The following SPTB variants were observed in gnomAD, a reference collection of about 807,000 sequenced individuals.
SPTB encodes the protein spectrin beta chain, erythrocytic.
A neutral mutation model predicts 256.2 loss-of-function variants in SPTB; 45 were observed. The ratio of observed to expected loss-of-function variants is 0.18; its 90% CI spans 0.14 to 0.23. SPTB has a LOEUF of 0.23. SPTB is among the 10% of genes least tolerant of loss of function. The pLI, the probability that SPTB is intolerant of heterozygous loss-of-function variation, is 1.00. For missense variants in SPTB, 2,715 were observed against 3,040.4 expected (o/e 0.89, Z 2.52); for synonymous variants, 1,231 against 1,243.1 (o/e 0.99, Z 0.21).
In SPTB at chr14:64,787,320, TG is replaced by T. The variant is rs2082590620; in HGVS notation, c.2805-161del. On this transcript the variant is annotated intron_variant, in intron 15 of 35. Transcript: ENST00000644917. ...AAAAATCTACCTAACGAAGTGTAGG[TG>T]AGCAAAATTCACTTCTCCAATTTTA... is the stretch of plus-strand genomic sequence containing the variant. 2.0e-5 allele frequency among the ~76,000 whole-genome samples: 3 copies of T among 152,096 alleles called. No individual in the cohort carries two copies. The South Asian group carries it at 6.2e-4, about 32-fold the overall frequency.
intron 15 of SPTB, among the ~76,000 whole-genome samples, chr14:64,788,445 G>C (rs960351767): frequency 1.3e-5 from 2 of 152,156 alleles, no homozygotes; most frequent in Non-Finnish European, 2.9e-5. Context: ...CCAGGGATAC[G>C]AGAGAGGAGA....
rs1199162353 is a variant in SPTB, at chr14:64,844,454, C to T, written c.-51-21309G>A. Among the ~76,000 whole-genome samples the T allele has an allele frequency of 6.6e-6, 1 of 152,238 alleles. No individual in the cohort carries two copies. The highest frequency in any genetic ancestry group is 1.5e-5 in the Non-Finnish European group (1 of 68,040). ...AGTGCCTGACATACATACCTCCTTT[C>T]ATCATCAGTGCTCTCCTGTGAGTGA... On this transcript the variant is annotated intron_variant, in intron 1 of 35. Transcript: ENST00000644917. This position sits in a 1 kb window ranked among gnomAD's most constrained non-coding sequence, Gnocchi z 4.1.
At position 64,792,903 on chromosome 14, in the gene SPTB, C is replaced by T. The variant is rs28441086; in HGVS notation, c.2666+94G>A. On this transcript the variant is annotated intron_variant, in intron 14 of 35. Coordinates refer to ENST00000644917, the MANE Select transcript of SPTB (RefSeq NM_001355436.2). This position sits in a 1 kb window ranked among gnomAD's most constrained non-coding sequence, Gnocchi z 4.2. ...GACATCCCAGGGCCTCTCAAAGAGA[C>T]CTTTGCTGATCCAGAGACTATTACC... The T allele has an allele frequency of 1.2e-3, 1,849 of 1,567,770 alleles. No homozygotes were observed. Among genetic ancestry groups the T allele is most frequent in the Non-Finnish European group, 1.4e-3 (1,629 of 1,144,848 alleles).
chr14:64,779,936 G>A lies in SPTB; in HGVS notation c.4267-5C>T, dbSNP rs1377649896. 6.2e-7 allele frequency: 1 copy of A among 1,613,064 alleles called. No homozygotes were observed. The highest frequency in any genetic ancestry group is 8.5e-7 in the Non-Finnish European group (1 of 1,179,398). ...ATTCACTTGGTCCTCCACTCGCTGA[G>A]ACACAAGGGGACGGTGTCAGCACCA... On this transcript the variant is annotated splice_region_variant and splice_polypyrimidine_tract_variant and intron_variant, in intron 20 of 35. Coordinates refer to ENST00000644917, the MANE Select transcript of SPTB (RefSeq NM_001355436.2). This position sits in a 1 kb window ranked among gnomAD's most constrained non-coding sequence, Gnocchi z 4.2.
intron 1 of SPTB, among the ~76,000 whole-genome samples, chr14:64,842,381 CTT>C (rs1566797814): frequency 6.6e-6 from 1 of 152,148 alleles, no homozygotes; most frequent in South Asian, 2.1e-4. Flanking sequence ...ACTAAGGTAA[CTT>C]TGATCCGGGG....
intron 1 of SPTB, among the ~76,000 whole-genome samples, chr14:64,837,646 G>A (rs1397439034): frequency 6.6e-6 from 1 of 152,258 alleles, no homozygotes; most frequent in South Asian, 2.1e-4. Context: ...TTGTTGCCCA[G>A]GCTGGAGTGC....
rs534053736 is a variant in SPTB, at chr14:64,859,185, C to T, written c.-52+20607G>A. On this transcript the variant is annotated intron_variant, in intron 1 of 35. Coordinates refer to ENST00000644917, the MANE Select transcript of SPTB (RefSeq NM_001355436.2). The stretch of plus-strand genomic sequence containing the variant: ...ACGAGAATCGCTTGAACCCAGGAGA[C>T]GGAGGTTGCAGTGAGCCAAGATCGC... Among the ~76,000 whole-genome samples the T allele has an allele frequency of 2.6e-5, 4 of 152,102 alleles. No homozygotes were observed. The South Asian group carries it at 6.2e-4, about 24-fold the overall frequency.
Position 64,801,279 on chromosome 14 carries a change from G to A in SPTB, c.763+6C>T, listed in dbSNP as rs1198692495. 3.7e-6 allele frequency: 6 copies of A among 1,610,200 alleles called. No homozygotes were observed. The East Asian group carries it at 1.3e-4, about 36-fold the overall frequency. ...GCAAAGGCTGGCAGGGGTGGGTGTG[G>A]CTCACCTTCGGGGTCGAGGAGCGGG... On this transcript the variant is annotated splice_donor_region_variant and intron_variant, in intron 7 of 35. Coordinates refer to ENST00000644917, the MANE Select transcript of SPTB (RefSeq NM_001355436.2).
chr14:64,850,847 C>T (rs1386101517), intron 1 of SPTB, among the ~76,000 whole-genome samples: 1 of 152,162 alleles, frequency 6.6e-6, no homozygotes, highest in East Asian at 1.9e-4. Flanking sequence ...TAGTGACAGC[C>T]AGAGTTTGAT....
At chr14:64,815,971 C>T (rs1357997504) in intron 2 of SPTB, among the ~76,000 whole-genome samples, 3 of 152,180 alleles carry the variant, frequency 2.0e-5, no homozygotes, top group Non-Finnish European at 4.4e-5. Context: ...AGACCATTTT[C>T]TCCTCACCTA....
In SPTB at chr14:64,749,150, G is replaced by A. The variant is rs990018882; in HGVS notation, c.*156C>T. The A allele has an allele frequency of 1.6e-5, 14 of 851,986 alleles. No homozygotes were observed. The East Asian group carries it at 1.8e-4, about 11-fold the overall frequency. 52.8% of individuals were successfully genotyped at this position (851,986 alleles called of 1,614,324 possible). ...GGGCGTCGGCCCAGGACACGCGGGC[G>A]AAGGCAGCTTTTGCAGTGCAGCGTG... On this transcript the variant is annotated 3_prime_UTR_variant, in exon 36 of 36. Coordinates refer to ENST00000644917, the MANE Select transcript of SPTB (RefSeq NM_001355436.2). This position sits in a 1 kb window ranked among gnomAD's most constrained non-coding sequence, Gnocchi z 4.7.
At chr14:64,789,910 G>A (rs1387879292) in intron 15 of SPTB, among the ~76,000 whole-genome samples, 2 of 152,144 alleles carry the variant, frequency 1.3e-5, no homozygotes, top group Admixed American at 6.5e-5. Context: ...GGAAAGAACC[G>A]CAGAGGCATG....
At chr14:64,808,593 T>C (rs1231812570) in intron 2 of SPTB, among the ~76,000 whole-genome samples, 1 of 152,142 alleles carries the variant, frequency 6.6e-6, no homozygotes, top group Non-Finnish European at 1.5e-5. Flanking sequence ...TGAACTCTCA[T>C]TGTTATCGTC....
rs1309335219 is a variant in SPTB, at chr14:64,787,086, C to T, written c.2879G>A (p.Cys960Tyr). The T allele has an allele frequency of 6.2e-7, 1 of 1,612,696 alleles. No individual in the cohort carries two copies. The highest frequency in any genetic ancestry group is 8.5e-7 in the Non-Finnish European group (1 of 1,180,016). ...VDSALRVHNY[C>Y]VDCEETSKWI... Reference sequence around the variant, plus strand: ...CTTGCTGGTCTCCTCGCAATCTACGCAGTAGTTGTGCACTCGGAGGGCTGA... The same window carrying T: ...CTTGCTGGTCTCCTCGCAATCTACGTAGTAGTTGTGCACTCGGAGGGCTGA... The change falls in exon 16 of 36, where the codon TGC becomes TAC. Residue 960 changes from cysteine to tyrosine, a missense_variant. Coordinates refer to ENST00000644917, the MANE Select transcript of SPTB (RefSeq NM_001355436.2).
chr14:64,863,580 A>G (rs1043974333), intron 1 of SPTB, among the ~76,000 whole-genome samples: 5 of 152,148 alleles, frequency 3.3e-5, no homozygotes, highest in African/African-American at 1.2e-4. Context: ...AGGCAATAAC[A>G]TGTCCTGAGG....
In SPTB at chr14:64,773,383, T is replaced by C. The variant is rs762226943; in HGVS notation, c.5015A>G (p.Tyr1672Cys). The change falls in exon 25 of 36, where the codon TAC becomes TGC. Residue 1672 changes from tyrosine (Y) to cysteine (C), a missense_variant. Physicochemically the swap from Tyr to Cys is radical, Grantham distance 194 (BLOSUM62 -2). Around this residue, in one of 4 missense-constraint regions of SPTB, gnomAD observed 2,239 missense variants for 2,384.4 expected, o/e 0.94. Transcript: ENST00000644917. ...TTCCGCCACGTCCTTCAGCCCTGCG[T>C]AGTGCTTGTCCACTTGCCCCTGAAG... ...IRLQGQVDKHYAGLKDVAEER... is the reference protein window; with the variant it reads ...IRLQGQVDKHCAGLKDVAEER... 4.6e-5 allele frequency: 75 copies of C among 1,614,192 alleles called. No homozygotes were observed. Among genetic ancestry groups the C allele is most frequent in the Non-Finnish European group, 6.2e-5 (73 of 1,180,040 alleles).
chr14:64,780,754 C>G (rs927862468), intron 20 of SPTB, among the ~76,000 whole-genome samples: 3 of 152,160 alleles, frequency 2.0e-5, no homozygotes, highest in African/African-American at 7.2e-5. Context: ...CAAAAAAGAG[C>G]CTGAATGGCC....
In SPTB at chr14:64,796,625, G is replaced by T; in HGVS notation, c.1273C>A (p.Arg425=). Residue 425 remains arginine (R), a synonymous_variant, in exon 11 of 36, where the codon CGG becomes AGG. Coordinates refer to ENST00000644917, the MANE Select transcript of SPTB (RefSeq NM_001355436.2). The surrounding 1 kb of genome is among the most constrained non-coding windows in gnomAD (Gnocchi z 4.1). ...ATTGCGGCCTTCCGGTCAAAGCGCC[G>T]GGCCAGTTGCTCTAGCTTCTCCTGC... ...IRQEKLEQLA[R]RFDRKAAMRE... The T allele has an allele frequency of 6.2e-7, 1 of 1,614,140 alleles. No homozygotes were observed. The highest frequency in any genetic ancestry group is 8.5e-7 in the Non-Finnish European group (1 of 1,180,028).
At chr14:64,850,350 G>A (rs2083763776) in intron 1 of SPTB, among the ~76,000 whole-genome samples, 1 of 152,218 alleles carries the variant, frequency 6.6e-6, no homozygotes, top group Non-Finnish European at 1.5e-5. Context: ...GGCTTCTTCA[G>A]AATCCCACCA....
Sources: gnomAD v4.1 joint callset for allele counts (sites outside exome capture counted in the v4.1 genomes callset) on GRCh38, gnomAD v4.1.1 for gene constraint, gnomAD v4.1.1 regional missense constraint, Gnocchi (gnomAD v3.1) non-coding constraint, MANE v1.5 for transcripts, NCBI Gene and HGNC (gene_info 2026-07-23, HGNC 2026-07-21) for gene names.